The following TG variants were observed in gnomAD, a reference collection of about 807,000 sequenced individuals.
TG encodes thyroglobulin.
In TG, 270 loss-of-function variants were observed where a neutral mutation model predicts 324.7. The observed-to-expected ratio is 0.83, with a 90% CI of 0.75 to 0.92. The LOEUF (loss-of-function observed/expected upper bound fraction) is 0.92. TG is among the 40% of genes least tolerant of loss of function. The pLI, the probability that TG is intolerant of heterozygous loss-of-function variation, is 0.00. For missense variants in TG, 3,591 were observed against 3,456.4 expected (o/e 1.04, Z -0.98); for synonymous variants, 1,401 against 1,327.0 (o/e 1.06, Z -1.21).
intron 35 of TG, chr8:132,994,677 G>T (rs566834637): frequency 1.6e-6 from 2 of 1,286,664 alleles, no homozygotes; most frequent in South Asian, 2.5e-5. Flanking sequence ...AAGGAACTCA[G>T]TTTGACTTAT....
chr8:132,964,989 GA>G (rs1828340327), intron 29 of TG: 1 of 698,796 alleles, frequency 1.4e-6, no homozygotes, highest in African/African-American at 1.8e-5. Flanking sequence ...AAGGCTCTGA[GA>G]GCAGGTGTGC....
chr8:133,105,265 C>A (rs1010516916), intron 43 of TG, among the ~76,000 whole-genome samples: 2 of 152,156 alleles, frequency 1.3e-5, no homozygotes, highest in Admixed American at 6.5e-5. Context: ...CTCCCCTAAG[C>A]CCCTGCCAAG....
rs577480476 is a variant in TG at position 133,043,866 on chromosome 8, CT to C, written c.7239+13844del. On this transcript the variant is annotated intron_variant, in intron 41 of 47. Transcript: ENST00000220616. ...TCCTGAACCCAGAAGGGGGAAGATG[CT>C]GTCAAAGCAAAAGCAACCTCTTTCT... Among the ~76,000 whole-genome samples, 1,249 of 152,342 alleles carry C rather than the reference CT, an allele frequency of 8.2e-3. 10 individuals are homozygous for C. The highest frequency in any genetic ancestry group is 0.02 in the Middle Eastern group (6 of 294).
At position 132,940,209 on chromosome 8, in the gene TG, C is replaced by T. The variant is rs181066633; in HGVS notation, c.5042-1142C>T. Among the ~76,000 whole-genome samples the T allele has an allele frequency of 9.6e-3, 1,464 of 152,232 alleles. 6 individuals carry two copies. Among genetic ancestry groups the T allele is most frequent in the Non-Finnish European group, 0.015 (987 of 68,032 alleles). On this transcript the variant is annotated intron_variant, in intron 25 of 47. Transcript: ENST00000220616. ...AAGATGGGGTGATCTGCCAGACTGA[C>T]GGGAGGTCAGAGTGGTGAAGGGCAC...
chr8:132,913,037 T>G lies in TG; in HGVS notation c.4160-10T>G. 6.2e-7 allele frequency: 1 copy of G among 1,613,892 alleles called. No individual in the cohort carries two copies. On this transcript the variant is annotated splice_polypyrimidine_tract_variant and intron_variant, in intron 19 of 47. Coordinates refer to ENST00000220616, the MANE Select transcript of TG (RefSeq NM_003235.5). The stretch of plus-strand genomic sequence containing the variant: ...TGGGGGTGACCTCTACCTTATCCTG[T>G]GTCTTACAGAGAGAGCCTTGGTGGG...
At chr8:133,041,504 A>G (rs1838236005) in intron 41 of TG, among the ~76,000 whole-genome samples, 1 of 152,148 alleles carries the variant, frequency 6.6e-6, no homozygotes, top group Non-Finnish European at 1.5e-5. Context: ...GGGAATCTGA[A>G]ATAATGACCT....
At chr8:132,883,624 G>A (rs1337854859) in intron 8 of TG, among the ~76,000 whole-genome samples, 2 of 152,144 alleles carry the variant, frequency 1.3e-5, no homozygotes, top group African/African-American at 4.8e-5. Flanking sequence ...CCTAACAAAG[G>A]CTTGGGGGCT....
chr8:132,948,730 G>T, intron 26 of TG, 46 bp from the exon 27 acceptor site: 1 of 1,603,128 alleles, frequency 6.2e-7, no homozygotes, highest in Non-Finnish European at 8.5e-7. Context: ...GTCTCTAAAG[G>T]TCCCCCTCCA....
At chr8:132,882,078 T>G in intron 6 of TG, 109 bp downstream of exon 6, 1 of 792,114 alleles carries the variant, frequency 1.3e-6, no homozygotes, top group South Asian at 1.6e-5. Flanking sequence ...GCCTGCCCCC[T>G]GCCAGGCTGC....
At chr8:133,077,030 C>T (rs544156989) in intron 41 of TG, among the ~76,000 whole-genome samples, 2 of 152,026 alleles carry the variant, frequency 1.3e-5, no homozygotes, top group Non-Finnish European at 2.9e-5. Context: ...TTGATGGGAC[C>T]GAGGGGCGCA....
At chr8:133,106,502 C>A in intron 43 of TG, 1 of 979,712 alleles carries the variant, frequency 1.0e-6, no homozygotes, top group Non-Finnish European at 1.2e-6. Context: ...CCCAGCCACC[C>A]AGCCCTCTGT....
intron 41 of TG, among the ~76,000 whole-genome samples, chr8:133,081,492 G>A (rs1845734724): frequency 6.6e-6 from 1 of 152,158 alleles, no homozygotes; most frequent in South Asian, 2.1e-4. Flanking sequence ...CCATCTGGAT[G>A]AGCTGATTTC....
rs1839643893 is a variant in TG at position 133,047,477 on chromosome 8, G to C, written c.7239+17454G>C. ...TTCAGACAAATCAGTCACAGAGCTT[G>C]AGAGCACAGCCCAGGCCCATACCAA... is the stretch of plus-strand genomic sequence containing the variant. On this transcript the variant is annotated intron_variant, in intron 41 of 47. Transcript: ENST00000220616. 3 of 235,178 alleles carry C rather than the reference G, an allele frequency of 1.3e-5. No homozygotes were observed. The South Asian group carries it at 1.5e-4, about 11-fold the overall frequency. 14.6% of individuals were successfully genotyped at this position (235,178 alleles called of 1,614,324 possible).
chr8:133,097,639 A>C (rs1478572905), intron 43 of TG, among the ~76,000 whole-genome samples: 1 of 152,214 alleles, frequency 6.6e-6, no homozygotes, highest in Admixed American at 6.5e-5. Context: ...GTAAGTGTGT[A>C]TATTTGTATG....
At chr8:132,969,095 A>AC (rs61586165) in intron 31 of TG, among the ~76,000 whole-genome samples, 1 of 151,328 alleles carries the variant, frequency 6.6e-6, no homozygotes, top group Non-Finnish European at 1.5e-5. Flanking sequence ...GGCCACCTTC[A>AC]CCCCCAGGGC....
chr8:132,981,696 C>G (rs533907803), intron 34 of TG, among the ~76,000 whole-genome samples: 1 of 152,226 alleles, frequency 6.6e-6, no homozygotes, highest in Admixed American at 6.5e-5. Context: ...CAGATCCCAT[C>G]CCAGACCTGC....
At chr8:132,925,154 G>T (rs1361200776) in intron 22 of TG, among the ~76,000 whole-genome samples, 2 of 152,152 alleles carry the variant, frequency 1.3e-5, no homozygotes, top group African/African-American at 4.8e-5. Flanking sequence ...AGTCCTAAAA[G>T]GTAGATATTA....
intron 23 of TG, 101 bp downstream of exon 23, chr8:132,929,293 T>G: frequency 2.3e-6 from 2 of 885,432 alleles, no homozygotes; most frequent in Non-Finnish European, 3.7e-6. Context: ...AAACTATAAT[T>G]TAAAAACATA....
intron 43 of TG, among the ~76,000 whole-genome samples, chr8:133,112,701 C>T (rs1281688226): frequency 1.3e-5 from 2 of 152,196 alleles, no homozygotes; most frequent in African/African-American, 4.8e-5. Flanking sequence ...CAGAGAACTG[C>T]GTGCCTTTCC....
Sources: allele counts gnomAD v4.1 joint callset (sites outside exome capture counted in the v4.1 genomes callset), GRCh38; gene constraint gnomAD v4.1.1; transcripts MANE v1.5; gene names NCBI Gene and HGNC (gene_info 2026-07-23, HGNC 2026-07-21).